Variants in CAPS2 observed in about 807,000 individuals in gnomAD.
CAPS2 encodes the protein calcyphosine 2.
Under a neutral mutation model 86.5 loss-of-function variants are expected in CAPS2, and 98 were observed. That is an observed-to-expected ratio of 1.13 (90% confidence interval 0.96 to 1.34). The LOEUF is 1.34. Ranked by LOEUF, CAPS2 falls within the 40% of genes most tolerant of loss-of-function variation. The pLI is 0.00. For missense variants in CAPS2, 729 were observed against 686.8 expected (o/e 1.06, Z -0.69); for synonymous variants, 210 against 225.1 (o/e 0.93, Z 0.60).
intron 7 of CAPS2, among the ~76,000 whole-genome samples, chr12:75,306,749 C>T (rs1453289289): frequency 6.6e-6 from 1 of 151,958 alleles, no homozygotes; most frequent in Non-Finnish European, 1.5e-5. Context: ...CTGGCCTAAC[C>T]AAGAGAAAAG....
At chr12:75,320,881 A>C (rs2040234261) in intron 5 of CAPS2, among the ~76,000 whole-genome samples, 1 of 151,976 alleles carries the variant, frequency 6.6e-6, no homozygotes, top group Non-Finnish European at 1.5e-5. Flanking sequence ...ATTCATTAAT[A>C]GTGAATTTAT....
At chr12:75,321,535 G>A (rs1259003280) in exon 5 of CAPS2, 1 of 1,548,792 alleles carries the variant, frequency 6.5e-7, no homozygotes, top group East Asian at 2.5e-5. Flanking sequence ...GTTTACATTT[G>A]TCTGTTGGTG....
rs115736666 is a variant in CAPS2, at chr12:75,347,656, C to G, written c.-394-24434G>C. On this transcript the variant is annotated intron_variant, in intron 1 of 5. Coordinates refer to the CAPS2 transcript ENST00000551829. Reference sequence around the variant, plus strand: ...GCCAATTCATTTTATGTCGGTTGTGCAGTTGCAATGTGTCCTAACCTTGGG... The same window carrying G: ...GCCAATTCATTTTATGTCGGTTGTGGAGTTGCAATGTGTCCTAACCTTGGG... The G allele has an allele frequency of 1.5e-3, 2,465 of 1,608,776 alleles. 25 individuals are homozygous for G. The African/African-American group carries it at 0.029, about 19-fold the overall frequency.
chr12:75,276,590 T>C (rs1013394701), downstream of CAPS2: 1 of 968,428 alleles, frequency 1.0e-6, no homozygotes, highest in Non-Finnish European at 1.2e-6. Context: ...AATATGTATG[T>C]CCTTTCCATT....
rs563643919 is a variant in CAPS2, at chr12:75,296,415, C to T, written c.1044+2272G>A. ...CACGCCATTCTCCTGCCTCAGTCTC[C>T]CGAGTAGCTGGGACTACAGGTGCCC... On this transcript the variant is annotated intron_variant, in intron 11 of 16. Coordinates refer to ENST00000393284, the Ensembl canonical transcript of CAPS2. Among the ~76,000 whole-genome samples the T allele has an allele frequency of 1.3e-4, 20 of 152,148 alleles. 1 individual carries two copies. In the South Asian group the frequency reaches 1.7e-3, roughly 13 times the overall value.
chr12:75,317,068 A>G (rs1182355142), intron 5 of CAPS2, among the ~76,000 whole-genome samples: 1 of 152,152 alleles, frequency 6.6e-6, no homozygotes, highest in East Asian at 1.9e-4. Context: ...TTGAAAGGTC[A>G]CACTCTATCT....
intron 1 of CAPS2, among the ~76,000 whole-genome samples, chr12:75,352,331 G>GA (rs1385808394): frequency 1.3e-5 from 2 of 151,990 alleles, no homozygotes; most frequent in African/African-American, 2.4e-5. Flanking sequence ...ATGGAAAACA[G>GA]AAAAAAGCAG....
At chr12:75,282,949 A>C (rs1457539474) in intron 15 of CAPS2, among the ~76,000 whole-genome samples, 1 of 152,088 alleles carries the variant, frequency 6.6e-6, no homozygotes, top group East Asian at 1.9e-4. Flanking sequence ...CTCCCCTGAA[A>C]ACTGAAGAGA....
At chr12:75,290,207 T>C (rs571710807) in intron 13 of CAPS2, among the ~76,000 whole-genome samples, 1 of 152,300 alleles carries the variant, frequency 6.6e-6, no homozygotes, top group East Asian at 1.9e-4. Context: ...CCAAAAATTA[T>C]CAGTTCAACA....
chr12:75,290,936 A>AAAAAAAAACAAAAAAAAAC (rs71438893), intron 13 of CAPS2, among the ~76,000 whole-genome samples: 3 of 147,122 alleles, frequency 2.0e-5, no homozygotes, highest in Admixed American at 2.0e-4. Context: ...AAAAAAAAAC[A>AAAAAAAAACAAAAAAAAAC]AAAAAAAAAC....
At chr12:75,286,327 A>C (rs1447993751) in intron 14 of CAPS2, among the ~76,000 whole-genome samples, 1 of 152,074 alleles carries the variant, frequency 6.6e-6, no homozygotes, top group Non-Finnish European at 1.5e-5. Flanking sequence ...CTGTGTAGTT[A>C]AACTGAAGAT....
At chr12:75,356,984 C>T (rs2043195923) in intron 1 of CAPS2, among the ~76,000 whole-genome samples, 1 of 151,990 alleles carries the variant, frequency 6.6e-6, no homozygotes, top group Admixed American at 6.6e-5. Context: ...GCAAGAAATT[C>T]AAGACCAGCC....
chr12:75,349,891 T>C (rs764976980), intron 1 of CAPS2, among the ~76,000 whole-genome samples: 1 of 152,174 alleles, frequency 6.6e-6, no homozygotes, highest in Non-Finnish European at 1.5e-5. Context: ...AGATAAAAAG[T>C]GTATCAGCTG....
chr12:75,352,009 C>T (rs2042848265), intron 1 of CAPS2, among the ~76,000 whole-genome samples: 1 of 152,006 alleles, frequency 6.6e-6, no homozygotes, highest in African/African-American at 2.4e-5. Context: ...GAAGGAAGCA[C>T]TAAATATGGA....
rs530360768 is a variant in CAPS2, at chr12:75,368,611, TTTTG to T, written c.-395+22223_-395+22226del. On this transcript the variant is annotated intron_variant, in intron 1 of 5. Transcript: ENST00000551829. ...TTGTTAACTTTTTTTATTTACAAAT[TTTTG>T]CATTTATTTTTAGAATTGTGCTTGG... Among the ~76,000 whole-genome samples the T allele has an allele frequency of 5.9e-5, 9 of 151,946 alleles. No homozygotes were observed. In the East Asian group the frequency reaches 1.5e-3, roughly 26 times the overall value.
At chr12:75,327,261 TG>T (rs1565919620), upstream of CAPS2, among the ~76,000 whole-genome samples, 1 of 152,212 alleles carries the variant, frequency 6.6e-6, no homozygotes, top group South Asian at 2.1e-4. Flanking sequence ...TTATGAGTTT[TG>T]GTTTTGCCAG....
At chr12:75,350,635 C>A (rs992896689) in intron 1 of CAPS2, among the ~76,000 whole-genome samples, 7 of 152,082 alleles carry the variant, frequency 4.6e-5, no homozygotes, top group Non-Finnish European at 1.0e-4. Context: ...GCTAAAAGAA[C>A]AAACAGAAAG....
At chr12:75,362,897 T>C (rs1193100434) in intron 1 of CAPS2, among the ~76,000 whole-genome samples, 2 of 152,168 alleles carry the variant, frequency 1.3e-5, no homozygotes, top group African/African-American at 2.4e-5. Flanking sequence ...TATTCAAGAA[T>C]AGAACTTCCA....
At chr12:75,384,032 T>G (rs2045146756) in intron 1 of CAPS2, among the ~76,000 whole-genome samples, 1 of 152,054 alleles carries the variant, frequency 6.6e-6, no homozygotes, top group Admixed American at 6.5e-5. Flanking sequence ...TGCTTAGAGG[T>G]AAATTTGTAG....
Sources: gnomAD v4.1 joint callset for allele counts (sites outside exome capture counted in the v4.1 genomes callset) on GRCh38, gnomAD v4.1.1 for gene constraint, MANE v1.5 for transcripts, NCBI Gene and HGNC (gene_info 2026-07-23, HGNC 2026-07-21) for gene names.